ASTN2: variants seen among roughly 807,000 people sequenced by gnomAD.
The protein encoded by ASTN2 is astrotactin-2.
In ASTN2, 54 loss-of-function variants were observed where a neutral mutation model predicts 139.8. That is an observed-to-expected ratio of 0.39 (90% CI 0.31 to 0.48). The LOEUF is 0.48. Among genes scored for constraint, ASTN2 ranks in the 20% least tolerant of loss-of-function variants. The pLI, the probability that ASTN2 is intolerant of heterozygous loss-of-function variation, is 0.95. For missense variants in ASTN2, 1,565 were observed against 1,725.1 expected (o/e 0.91, Z 1.64); for synonymous variants, 756 against 719.5 (o/e 1.05, Z -0.81).
At chr9:117,080,621 T>C (rs1828402718) in intron 5 of ASTN2, among the ~76,000 whole-genome samples, 1 of 152,202 alleles carries the variant, frequency 6.6e-6, no homozygotes, top group Non-Finnish European at 1.5e-5. Flanking sequence ...TTTTTCTATG[T>C]CCCTTTAGTA....
rs533439272 is a variant in ASTN2 at position 116,488,844 on chromosome 9, T to G, written c.3356-1344A>C. 5.0e-3 allele frequency among the ~76,000 whole-genome samples: 754 copies of G among 152,296 alleles called. 7 individuals carry two copies. The highest frequency in any genetic ancestry group is 0.017 in the African/African-American group (702 of 41,558). Reference sequence around the variant, plus strand: ...AAAAATTATCTTCAATAAACATATATTGCTTTTGTAACCCATAAAAATATC... The same window carrying G: ...AAAAATTATCTTCAATAAACATATAGTGCTTTTGTAACCCATAAAAATATC... On this transcript the variant is annotated intron_variant, in intron 19 of 22. Transcript: ENST00000313400.
chr9:117,316,128 C>T (rs1369307975), intron 1 of ASTN2, among the ~76,000 whole-genome samples: 1 of 152,188 alleles, frequency 6.6e-6, no homozygotes, highest in African/African-American at 2.4e-5. Context: ...TCAAACACTC[C>T]ACTTTCTCGC....
In ASTN2 at chr9:116,507,344, C is replaced by T. The variant is rs143007260; in HGVS notation, c.3356-19844G>A. ...CCAATTAAGTGAATCTCCTGTTTTC[C>T]AGATGGAGAAACAGGCACAGAAGGG... On this transcript the variant is annotated intron_variant, in intron 19 of 22. Transcript: ENST00000313400. Among the ~76,000 whole-genome samples, 324 of 152,184 alleles carry T rather than the reference C, an allele frequency of 2.1e-3. 7 individuals are homozygous for T. The highest frequency in any genetic ancestry group is 0.017 in the Admixed American group (262 of 15,282).
chr9:116,836,097 C>G (rs1831981515), intron 11 of ASTN2, among the ~76,000 whole-genome samples: 1 of 152,158 alleles, frequency 6.6e-6, no homozygotes, highest in Non-Finnish European at 1.5e-5. Context: ...CTCTTTTCAG[C>G]TGGATGAGGT....
chr9:117,063,756 C>G lies in ASTN2; in HGVS notation c.1277-23791G>C, dbSNP rs143906219. On this transcript the variant is annotated intron_variant, in intron 5 of 22. Transcript: ENST00000313400. ...ATATGTTTGCTTTTATAAGAAAGCA[C>G]AGCCTATATGCCAAATGGTCTTACA... 9.2e-5 allele frequency among the ~76,000 whole-genome samples: 14 copies of G among 152,262 alleles called. No homozygotes were observed. The East Asian group carries it at 2.5e-3, about 27-fold the overall frequency.
At chr9:116,459,756 T>C (rs1458531698) in intron 20 of ASTN2, among the ~76,000 whole-genome samples, 1 of 152,058 alleles carries the variant, frequency 6.6e-6, no homozygotes, top group Non-Finnish European at 1.5e-5. Context: ...AAATAGCAAG[T>C]GTTAGCAAGG....
intron 5 of ASTN2, among the ~76,000 whole-genome samples, chr9:117,053,762 T>C (rs1185431534): frequency 6.6e-6 from 1 of 152,212 alleles, no homozygotes; most frequent in East Asian, 1.9e-4. Context: ...AATTGGGGCC[T>C]TGCAGGCCAA....
intron 11 of ASTN2, among the ~76,000 whole-genome samples, chr9:116,828,782 A>T (rs1409526776): frequency 1.3e-5 from 2 of 152,204 alleles, no homozygotes; most frequent in Non-Finnish European, 2.9e-5. Context: ...GTTTGCTGAT[A>T]GTATTGTCTT....
Position 117,313,763 on chromosome 9 carries a change from G to GC in ASTN2, c.443-22251_443-22250insG, listed in dbSNP as rs1828049457. ...CACAGAGTTTTCATGTGAATAGATG[G>GC]TTTAGGACACAGTCCTGCATGTGCA... is the stretch of plus-strand genomic sequence containing the variant. On this transcript the variant is annotated intron_variant, in intron 1 of 22. Transcript: ENST00000313400. 3.9e-5 allele frequency among the ~76,000 whole-genome samples: 6 copies of GC among 152,278 alleles called. No individual in the cohort carries two copies. The South Asian group carries it at 8.3e-4, about 21-fold the overall frequency.
At position 116,805,735 on chromosome 9, in the gene ASTN2, G is replaced by A; in HGVS notation, c.2293C>T (p.Pro765Ser). Residue 765 changes from proline to serine, a missense_variant, in exon 13 of 23, where the codon CCT (proline) becomes TCT (serine). Coordinates refer to ENST00000313400, the MANE Select transcript of ASTN2 (RefSeq NM_001365068.1). ...AGGGTATCATTGAATTTGGAGTCAG[G>A]TTTGAGGCACTTGGGGCCCTCGCAG... ...DVCEGPKCLKPDSKFNDTLFG... is the reference protein window; with the variant it reads ...DVCEGPKCLKSDSKFNDTLFG... 1.2e-6 allele frequency: 2 copies of A among 1,613,954 alleles called. No homozygotes were observed. The highest frequency in any genetic ancestry group is 1.7e-6 in the Non-Finnish European group (2 of 1,179,860).
intron 13 of ASTN2, among the ~76,000 whole-genome samples, chr9:116,767,724 G>C (rs923293387): frequency 1.3e-5 from 2 of 152,138 alleles, no homozygotes. Flanking sequence ...GAACCCTCGT[G>C]AGCAGGGGTC....
chr9:116,634,609 AAAAAAAAT>A (rs1856981379), intron 17 of ASTN2, among the ~76,000 whole-genome samples: 1 of 142,296 alleles, frequency 7.0e-6, no homozygotes, highest in African/African-American at 2.6e-5. Flanking sequence ...AAAAAAAAAA[AAAAAAAAT>A]AAGCAAAATA....
chr9:117,099,292 A>T (rs530870929), intron 4 of ASTN2, among the ~76,000 whole-genome samples: 6 of 152,286 alleles, frequency 3.9e-5, no homozygotes, highest in African/African-American at 1.4e-4. Flanking sequence ...AGGCCACCCA[A>T]GACTCTTCCC....
chr9:117,339,634 A>G (rs771039314), intron 1 of ASTN2, among the ~76,000 whole-genome samples: 5 of 152,208 alleles, frequency 3.3e-5, no homozygotes, highest in African/African-American at 2.4e-5. Context: ...CCCATTTTTC[A>G]TACGATTAAT....
chr9:117,154,976 G>A (rs987431984), intron 3 of ASTN2, among the ~76,000 whole-genome samples: 2 of 152,008 alleles, frequency 1.3e-5, no homozygotes, highest in Non-Finnish European at 2.9e-5. Flanking sequence ...TATGGAGAGA[G>A]CCCATAGCTT....
intron 19 of ASTN2, among the ~76,000 whole-genome samples, chr9:116,534,424 T>G (rs978639845): frequency 3.3e-5 from 5 of 152,234 alleles, no homozygotes. Context: ...TGTTTGCTCT[T>G]GCTTCTCTAG....
At position 116,440,861 on chromosome 9, in the gene ASTN2, T is replaced by C; in HGVS notation, c.3599-69A>G. 12 of 1,486,130 alleles carry C rather than the reference T, an allele frequency of 8.1e-6. 1 individual carries two copies. The South Asian group carries it at 1.5e-4, about 19-fold the overall frequency. 92.1% of individuals were successfully genotyped at this position (1,486,130 alleles called of 1,614,324 possible). ...AAAAGTAAGGATATAAGCATGGGCT[T>C]CAATAAGAAAGGCACAGTGGTGAGA... On this transcript the variant is annotated intron_variant, in intron 21 of 22. Coordinates refer to ENST00000313400, the MANE Select transcript of ASTN2 (RefSeq NM_001365068.1).
In ASTN2 at chr9:116,616,450, A is replaced by G. The variant is rs117778886; in HGVS notation, c.3355+1874T>C. Among the ~76,000 whole-genome samples, 812 of 152,340 alleles carry G rather than the reference A, an allele frequency of 5.3e-3. 3 individuals are homozygous for G. The highest frequency in any genetic ancestry group is 7.6e-3 in the Non-Finnish European group (515 of 68,036). ...TTTCAATGTAAACTCTACATAGTCTATAAGAACAAGCACTGTGCTGGGCAT... is the reference window on the plus strand; with the variant it reads ...TTTCAATGTAAACTCTACATAGTCTGTAAGAACAAGCACTGTGCTGGGCAT... On this transcript the variant is annotated intron_variant, in intron 19 of 22. Transcript: ENST00000313400.
chr9:116,688,845 T>C (rs1184817039), intron 16 of ASTN2, among the ~76,000 whole-genome samples: 1 of 151,562 alleles, frequency 6.6e-6, no homozygotes, highest in African/African-American at 2.4e-5. Context: ...GTGTTTGGGC[T>C]CGGAGACAGA....
Sources: allele counts gnomAD v4.1 joint callset (sites outside exome capture counted in the v4.1 genomes callset), GRCh38; gene constraint gnomAD v4.1.1; transcripts MANE v1.5; gene names NCBI Gene and HGNC (gene_info 2026-07-23, HGNC 2026-07-21).